Variants in BEGAIN observed in about 807,000 individuals in gnomAD.
The protein encoded by BEGAIN is brain enriched guanylate kinase associated, also known as brain-enriched guanylate kinase-associated protein.
BEGAIN carries 19 observed loss-of-function variants against 35.8 expected under a neutral mutation model. That is an observed-to-expected ratio of 0.53 (90% CI 0.37 to 0.78). The LOEUF (loss-of-function observed/expected upper bound fraction) is 0.78, where lower values mean the gene tolerates loss of function less well. BEGAIN is among the 30% of genes least tolerant of loss of function. The pLI, the probability that BEGAIN is intolerant of heterozygous loss-of-function variation, is 0.00. For missense variants in BEGAIN, 795 were observed against 853.6 expected (o/e 0.93, Z 0.85); for synonymous variants, 462 against 388.6 (o/e 1.19, Z -2.22).
chr14:100,559,242 C>T (rs1250366014), intron 2 of BEGAIN, among the ~76,000 whole-genome samples: 1 of 152,112 alleles, frequency 6.6e-6, no homozygotes, highest in Admixed American at 6.5e-5. Flanking sequence ...GCCTGGGCTC[C>T]TCTTTCCCAG....
chr14:100,540,807 G>A (rs576524518), intron 5 of BEGAIN, among the ~76,000 whole-genome samples: 10 of 152,310 alleles, frequency 6.6e-5, no homozygotes, highest in South Asian at 2.1e-4. Flanking sequence ...GGGCCCTGCC[G>A]CTGCCCTAGC....
chr14:100,537,915 T>C lies in BEGAIN; in HGVS notation c.*54A>G. The C allele has an allele frequency of 6.5e-7, 1 of 1,547,764 alleles. No homozygotes were observed. Among genetic ancestry groups the C allele is most frequent in the East Asian group, 2.3e-5 (1 of 42,948 alleles). On this transcript the variant is annotated 3_prime_UTR_variant, in exon 7 of 7. Transcript: ENST00000554140. The stretch of plus-strand genomic sequence containing the variant: ...TGGGGAGAGGTGAGGCCGGCCCTTC[T>C]GGGGCACGTGGGCTGGCGGGGAGCG...
rs1420421224 is a variant in BEGAIN, at chr14:100,538,713, G to T, written c.1095C>A (p.Ser365Arg). The change falls in exon 7 of 7, where the codon AGC becomes AGA. Residue 365 changes from serine (S) to arginine (R), a missense_variant. By Grantham distance (110) the Ser-to-Arg change is moderately radical (BLOSUM62 -1). Transcript: ENST00000554140. ...CGGCCGTGGCCTTGGCAAAGCGAGG[G>T]CTGCCCTCGTAGGTGGTGGCGGGTG... ...RKPPATTYEGSPRFAKATAAV... is the reference protein window; with the variant it reads ...RKPPATTYEGRPRFAKATAAV... 6.4e-7 allele frequency: 1 copy of T among 1,564,142 alleles called. No individual in the cohort carries two copies. The highest frequency in any genetic ancestry group is 2.4e-5 in the East Asian group (1 of 42,028).
At position 100,561,286 on chromosome 14, in the gene BEGAIN, C is replaced by T. The variant is rs2034230473; in HGVS notation, c.71+6625G>A. Among the ~76,000 whole-genome samples the T allele has an allele frequency of 2.0e-5, 3 of 152,346 alleles. No homozygotes were observed. The South Asian group carries it at 6.2e-4, about 32-fold the overall frequency. On this transcript the variant is annotated intron_variant, in intron 2 of 6. Coordinates refer to ENST00000554140, the MANE Select transcript of BEGAIN (RefSeq NM_001385089.1). ...ACCGCCCAAGGGGTGGGCAGCAAGG[C>T]CCAAGCAGGGCAGAGCCACCCGAGA...
chr14:100,581,527 A>G (rs1281863114), intron 1 of BEGAIN, among the ~76,000 whole-genome samples: 1 of 152,040 alleles, frequency 6.6e-6, no homozygotes, highest in Non-Finnish European at 1.5e-5. Context: ...TCCCAAGCCC[A>G]TCCTGCGTGC....
At chr14:100,569,091 A>C in intron 1 of BEGAIN, 2 of 271,206 alleles carry the variant, frequency 7.4e-6, no homozygotes, top group Non-Finnish European at 1.1e-5. Context: ...TCGGCCACCA[A>C]CTTCCCGGGT....
intron 1 of BEGAIN, among the ~76,000 whole-genome samples, chr14:100,583,526 A>G (rs2035364924): frequency 6.6e-6 from 1 of 151,446 alleles, no homozygotes; most frequent in African/African-American, 2.4e-5. Flanking sequence ...TGTTCTATCA[A>G]TCCAGTCCTG....
Position 100,538,837 on chromosome 14 carries a change from G to A in BEGAIN, c.971C>T (p.Ala324Val). The A allele has an allele frequency of 1.2e-6, 2 of 1,606,204 alleles. No individual in the cohort carries two copies. Among genetic ancestry groups the A allele is most frequent in the Non-Finnish European group, 1.7e-6 (2 of 1,177,962 alleles). The change falls in exon 7 of 7, where the codon GCC becomes GTC. Residue 324 changes from alanine (A) to valine (V), a missense_variant. This residue lies in a region of BEGAIN where 664 missense variants were observed against 647.7 expected (regional missense o/e 1.03). Transcript: ENST00000554140. ...CGCGTGCTCCTTCTCCTCCGACGTG[G>A]CGCTGAAGCTGGAGTAGGAGCTGGA... ...PTSSSYSSFS[A>V]TSEEKEHAQA...
At chr14:100,553,708 G>A (rs2033427399) in intron 2 of BEGAIN, among the ~76,000 whole-genome samples, 1 of 152,112 alleles carries the variant, frequency 6.6e-6, no homozygotes, top group Non-Finnish European at 1.5e-5. Context: ...GGTTCCCCCT[G>A]CTGAAGGTCC....
At chr14:100,554,307 G>T (rs963121227) in intron 2 of BEGAIN, among the ~76,000 whole-genome samples, 1 of 152,162 alleles carries the variant, frequency 6.6e-6, no homozygotes, top group Non-Finnish European at 1.5e-5. Context: ...ACAGTCAGCC[G>T]AGGGCCCGAG....
At chr14:100,576,332 A>G (rs888061477) in intron 1 of BEGAIN, among the ~76,000 whole-genome samples, 3 of 152,130 alleles carry the variant, frequency 2.0e-5, no homozygotes, top group African/African-American at 7.2e-5. Context: ...GCCTGGGCCC[A>G]ACCCGGCTCC....
chr14:100,539,316 C>G lies in BEGAIN; in HGVS notation c.493-1G>C. 6.5e-7 allele frequency: 1 copy of G among 1,547,468 alleles called. No individual in the cohort carries two copies. The highest frequency in any genetic ancestry group is 8.7e-7 in the Non-Finnish European group (1 of 1,148,872). ...CGCGCTCCTGGAAATCCGAGGGCAG[C>G]TGGAACGGGTGCGAGGAGGGGGACG... On this transcript the variant is annotated splice_acceptor_variant, in intron 6 of 6. Coordinates refer to ENST00000554140, the MANE Select transcript of BEGAIN (RefSeq NM_001385089.1). LOFTEE classifies it high-confidence loss of function.
At chr14:100,545,121 C>T (rs1203225283) in intron 3 of BEGAIN, 55 bp from the exon 4 acceptor site, 3 of 1,609,984 alleles carry the variant, frequency 1.9e-6, no homozygotes, top group Admixed American at 1.7e-5. Flanking sequence ...CTCCCACGAC[C>T]CTTATGGCCG....
In BEGAIN at chr14:100,568,472, C is replaced by A. The variant is rs2034911990; in HGVS notation, c.43-533G>T. ...AATCCGAGGGCGATGGCATTTGGAG[C>A]CTCGACTCCTCAATCAGGGACCCGC... is the stretch of plus-strand genomic sequence containing the variant. On this transcript the variant is annotated intron_variant, in intron 1 of 6. Transcript: ENST00000554140. The surrounding 1 kb of genome is among the most constrained non-coding windows in gnomAD (Gnocchi z 7.5). 1.6e-6 allele frequency: 2 copies of A among 1,286,056 alleles called. No homozygotes were observed. The highest frequency in any genetic ancestry group is 2.0e-6 in the Non-Finnish European group (2 of 987,074). 79.7% of individuals were successfully genotyped at this position (1,286,056 alleles called of 1,614,324 possible).
chr14:100,544,851 A>G (rs2032158962), intron 4 of BEGAIN, 149 bp downstream of exon 4: 2 of 840,978 alleles, frequency 2.4e-6, no homozygotes, highest in Non-Finnish European at 3.9e-6. Flanking sequence ...CTGAGAGCAC[A>G]CACCCTGCTC....
intron 2 of BEGAIN, 118 bp from the exon 3 acceptor site, chr14:100,546,780 G>A (rs12888030): frequency 0.21 from 69,788 of 339,732 alleles, 5,729 homozygotes; most frequent in African/African-American, 0.34. Context: ...GCGCGCGCGC[G>A]CACACACACA....
chr14:100,538,234 G>T lies in BEGAIN; in HGVS notation c.1574C>A (p.Ser525Ter). ...GGDLSLSPGR[S>*]ADPLPGYAPS... ...TGCATAGCCGGGCAGTGGGTCAGCC[G>T]AGCGGCCGGGACTGAGGCTCAGGTC... The change falls in exon 7 of 7, where the codon TCG becomes TAG. Residue 525 changes from serine (S) to a stop codon, truncating the protein, a stop_gained. Transcript: ENST00000554140. LOFTEE classifies it high-confidence loss of function. 6.4e-7 allele frequency: 1 copy of T among 1,568,602 alleles called. No homozygotes were observed.
At chr14:100,580,992 C>T (rs922161759) in intron 1 of BEGAIN, among the ~76,000 whole-genome samples, 3 of 152,182 alleles carry the variant, frequency 2.0e-5, no homozygotes, top group African/African-American at 7.2e-5. Flanking sequence ...TACACCCGGA[C>T]AGCCCTTCCC....
intron 1 of BEGAIN, among the ~76,000 whole-genome samples, chr14:100,584,423 C>T (rs2035390767): frequency 1.3e-5 from 2 of 152,190 alleles, no homozygotes; most frequent in Non-Finnish European, 2.9e-5. Context: ...CTGACTCCTG[C>T]CGTACTGGCC....
Sources: allele counts gnomAD v4.1 joint callset (sites outside exome capture counted in the v4.1 genomes callset), GRCh38; gene constraint gnomAD v4.1.1; regional missense constraint gnomAD v4.1.1; non-coding constraint Gnocchi (gnomAD v3.1); transcripts MANE v1.5; gene names NCBI Gene and HGNC (gene_info 2026-07-23, HGNC 2026-07-21).